The following NPFFR2 variants were observed in gnomAD, a reference collection of about 807,000 sequenced individuals.
NPFFR2 encodes G-protein coupled receptor 74.
Under a neutral mutation model 13.1 loss-of-function variants are expected in NPFFR2, and 15 were observed. The observed-to-expected ratio is 1.15, with a 90% CI of 0.77 to 1.76. NPFFR2 has a LOEUF of 1.76. Among genes scored for constraint, NPFFR2 ranks in the 40% most tolerant of loss-of-function variants. NPFFR2 has a pLI of 0.00. For synonymous variants in NPFFR2, 190 were observed against 175.7 expected (o/e 1.08, Z -0.65); for missense variants, 572 against 503.5 (o/e 1.14, Z -1.30).
chr4:72,125,438 T>C (rs145592483), intron 1 of NPFFR2, among the ~76,000 whole-genome samples: 38 of 152,316 alleles, frequency 2.5e-4, no homozygotes, highest in African/African-American at 9.1e-4. Flanking sequence ...AATTGGGAAG[T>C]ATAGGTGGTC....
intron 1 of NPFFR2, among the ~76,000 whole-genome samples, chr4:72,111,118 C>G (rs1721554470): frequency 6.6e-6 from 1 of 151,928 alleles, no homozygotes; most frequent in Non-Finnish European, 1.5e-5. Context: ...CAGCCTGGCT[C>G]TATTTGTCAT....
At chr4:72,082,225 G>A (rs1413198742) in intron 1 of NPFFR2, among the ~76,000 whole-genome samples, 2 of 152,152 alleles carry the variant, frequency 1.3e-5, no homozygotes, top group Non-Finnish European at 2.9e-5. Flanking sequence ...AGAGACATCA[G>A]CATAAGACTA....
chr4:72,120,130 A>G (rs1578468033), intron 1 of NPFFR2, among the ~76,000 whole-genome samples: 2 of 152,298 alleles, frequency 1.3e-5, no homozygotes, highest in East Asian at 3.9e-4. Flanking sequence ...TTGAGTAGGC[A>G]GTTTTCCTCT....
intron 1 of NPFFR2, among the ~76,000 whole-genome samples, chr4:72,125,048 A>G: frequency 6.6e-6 from 1 of 152,372 alleles, no homozygotes; most frequent in East Asian, 1.9e-4. Flanking sequence ...AAGGGCTAAT[A>G]TCCAGAATCT....
intron 3 of NPFFR2, among the ~76,000 whole-genome samples, chr4:72,145,344 A>G (rs1722742565): frequency 6.7e-6 from 1 of 150,182 alleles, no homozygotes; most frequent in South Asian, 2.1e-4. Flanking sequence ...ACAGATAAGC[A>G]TATGTACTTT....
At chr4:72,096,795 C>T (rs770234237) in intron 1 of NPFFR2, among the ~76,000 whole-genome samples, 3 of 151,818 alleles carry the variant, frequency 2.0e-5, no homozygotes, top group Admixed American at 6.6e-5. Context: ...AATGGAGTTA[C>T]GTCACAATGA....
intron 1 of NPFFR2, among the ~76,000 whole-genome samples, chr4:72,127,366 T>G (rs1284158888): frequency 2.8e-5 from 3 of 107,290 alleles, no homozygotes; most frequent in African/African-American, 4.2e-5. Flanking sequence ...TTTTCTTTTT[T>G]TTTTTTTTTT....
At chr4:72,041,377 T>C (rs138717043) in intron 1 of NPFFR2, among the ~76,000 whole-genome samples, 728 of 152,372 alleles carry the variant, frequency 4.8e-3, no homozygotes, top group Middle Eastern at 0.014. Context: ...ATGTATCATA[T>C]TTTTTAAATC....
intron 3 of NPFFR2, among the ~76,000 whole-genome samples, chr4:72,140,484 G>T (rs1341473189): frequency 1.3e-5 from 2 of 152,036 alleles, no homozygotes; most frequent in Non-Finnish European, 2.9e-5. Flanking sequence ...GTTGAATTTT[G>T]TCAAAGGCCT....
intron 1 of NPFFR2, among the ~76,000 whole-genome samples, chr4:72,113,561 T>C (rs1721626111): frequency 6.6e-6 from 1 of 152,152 alleles, no homozygotes; most frequent in South Asian, 2.1e-4. Flanking sequence ...TTTTTATTGC[T>C]AAAAATGACC....
chr4:72,128,193 A>G (rs758243743), intron 1 of NPFFR2, among the ~76,000 whole-genome samples: 7 of 152,212 alleles, frequency 4.6e-5, no homozygotes. Context: ...GATTATCAGG[A>G]AAGCTAGAGG....
intron 1 of NPFFR2, among the ~76,000 whole-genome samples, chr4:72,080,322 T>C (rs1418136440): frequency 1.3e-5 from 2 of 151,916 alleles, no homozygotes; most frequent in Non-Finnish European, 2.9e-5. Context: ...TCACCACTGC[T>C]CCTGGCTAAT....
chr4:72,124,950 T>C (rs1356838588), intron 1 of NPFFR2, among the ~76,000 whole-genome samples: 1 of 152,100 alleles, frequency 6.6e-6, no homozygotes, highest in Non-Finnish European at 1.5e-5. Context: ...AGAGCTTCTG[T>C]GCAGCAAAAG....
intron 1 of NPFFR2, among the ~76,000 whole-genome samples, chr4:72,110,034 A>T (rs1295424639): frequency 6.6e-6 from 1 of 151,908 alleles, no homozygotes; most frequent in Non-Finnish European, 1.5e-5. Flanking sequence ...TCAGTGAGGC[A>T]ACCTGCTTGA....
chr4:72,063,421 A>C (rs6446810), intron 1 of NPFFR2, among the ~76,000 whole-genome samples: 135,702 of 152,176 alleles, frequency 0.89, 61,603 homozygotes, highest in Non-Finnish European at 0.98. Context: ...TCTCTTTAAT[A>C]ATGTTGTGCA....
chr4:72,103,548 A>G (rs1721320491), intron 1 of NPFFR2, among the ~76,000 whole-genome samples: 1 of 152,110 alleles, frequency 6.6e-6, no homozygotes, highest in Non-Finnish European at 1.5e-5. Flanking sequence ...AAACGAATTA[A>G]GCCAAGGCCC....
chr4:72,080,253 C>T (rs529289425), intron 1 of NPFFR2, among the ~76,000 whole-genome samples: 4 of 152,028 alleles, frequency 2.6e-5, no homozygotes, highest in Non-Finnish European at 5.9e-5. Flanking sequence ...CAACCTCCAC[C>T]TCCCGGGTTC....
intron 1 of NPFFR2, among the ~76,000 whole-genome samples, chr4:72,091,958 T>C (rs2109802552): frequency 6.6e-6 from 1 of 152,240 alleles, no homozygotes. Flanking sequence ...TCTGACTTTT[T>C]GATGGAGGCA....
intron 1 of NPFFR2, among the ~76,000 whole-genome samples, chr4:72,057,153 A>G (rs574461121): frequency 2.0e-5 from 3 of 149,670 alleles, no homozygotes; most frequent in African/African-American, 7.4e-5. Context: ...CAAATACAAA[A>G]GAAATAATAG....
Sources: gnomAD v4.1 joint callset for allele counts (sites outside exome capture counted in the v4.1 genomes callset) on GRCh38, gnomAD v4.1.1 for gene constraint, MANE v1.5 for transcripts, NCBI Gene and HGNC (gene_info 2026-07-23, HGNC 2026-07-21) for gene names.